Variants in ADGRV1 observed in about 807,000 individuals in gnomAD.
The protein encoded by ADGRV1 is adhesion G protein-coupled receptor V1.
Under a neutral mutation model 596.2 loss-of-function variants are expected in ADGRV1, and 359 were observed. The observed-to-expected ratio is 0.60, with a 90% CI of 0.55 to 0.66. The LOEUF is 0.66. ADGRV1 is among the 30% of genes least tolerant of loss of function. The pLI, the probability that ADGRV1 is intolerant of heterozygous loss-of-function variation, is 0.00. For synonymous variants in ADGRV1, 2,681 were observed against 2,679.2 expected (o/e 1.00, Z -0.02); for missense variants, 7,274 against 7,575.6 (o/e 0.96, Z 1.48).
intron 84 of ADGRV1, among the ~76,000 whole-genome samples, chr5:90,969,810 C>T (rs1327034541): frequency 3.9e-5 from 6 of 152,158 alleles, no homozygotes; most frequent in Non-Finnish European, 8.8e-5. Context: ...ACACAGAAGA[C>T]GGGTGATTTC....
intron 36 of ADGRV1, 47 bp downstream of exon 36, chr5:90,704,535 AAAAG>A (rs1372927215): frequency 8.6e-7 from 1 of 1,168,896 alleles, no homozygotes; most frequent in Non-Finnish European, 1.2e-6. Flanking sequence ...TTCTTTTCGT[AAAAG>A]AAAGAAAATT....
At chr5:91,035,323 T>C (rs1464167960) in intron 85 of ADGRV1, among the ~76,000 whole-genome samples, 1 of 152,196 alleles carries the variant, frequency 6.6e-6, no homozygotes, top group Non-Finnish European at 1.5e-5. Flanking sequence ...TGAGGCCCAT[T>C]CACTTACTTC....
intron 70 of ADGRV1, among the ~76,000 whole-genome samples, chr5:90,794,109 C>T (rs983493264): frequency 1.3e-5 from 2 of 152,218 alleles, no homozygotes; most frequent in African/African-American, 4.8e-5. Context: ...CCTCCCTCTT[C>T]TACCTTCTTG....
intron 15 of ADGRV1, 92 bp from the exon 16 acceptor site, chr5:90,645,876 T>A (rs1767676930): frequency 9.9e-7 from 1 of 1,006,832 alleles, no homozygotes; most frequent in Non-Finnish European, 1.3e-6. Flanking sequence ...GTGTTAATGG[T>A]GCTTTTTTAA....
intron 56 of ADGRV1, 97 bp from the exon 57 acceptor site, chr5:90,756,882 G>C (rs1755885855): frequency 9.7e-7 from 1 of 1,027,978 alleles, no homozygotes; most frequent in South Asian, 1.8e-5. Flanking sequence ...TTTAAAGGGT[G>C]AAATATAGAA....
chr5:90,652,629 A>G (rs969695375), intron 19 of ADGRV1, 66 bp downstream of exon 19: 1 of 1,046,954 alleles, frequency 9.6e-7, no homozygotes, highest in Non-Finnish European at 1.4e-6. Context: ...TACATTTTAT[A>G]CTTAGATAAT....
intron 83 of ADGRV1, among the ~76,000 whole-genome samples, chr5:90,932,815 C>T (rs1261901584): frequency 2.0e-5 from 3 of 149,558 alleles, no homozygotes; most frequent in African/African-American, 7.5e-5. Context: ...TGTGTGTATA[C>T]ATACACATAG....
chr5:91,140,363 G>A (rs1026282186), intron 87 of ADGRV1, among the ~76,000 whole-genome samples: 2 of 152,086 alleles, frequency 1.3e-5, no homozygotes, highest in Non-Finnish European at 2.9e-5. Context: ...ATATCTGAAT[G>A]CTAAACTCTT....
intron 25 of ADGRV1, among the ~76,000 whole-genome samples, chr5:90,679,079 A>G (rs1744608774): frequency 6.6e-6 from 1 of 152,088 alleles, no homozygotes. Flanking sequence ...ATGGTAAATA[A>G]ATGTGGTGGG....
chr5:91,124,561 A>T (rs1193680782), intron 87 of ADGRV1, among the ~76,000 whole-genome samples: 1 of 152,172 alleles, frequency 6.6e-6, no homozygotes, highest in African/African-American at 2.4e-5. Context: ...GAGATTGAAA[A>T]TTCCCAGTAT....
rs1198919516 is a variant in ADGRV1, at chr5:90,644,893, G to A, written c.2898+24G>A. ...AGGTAAATATTGCATATAACTTTCT[G>A]CCTTACTTGTTGTAGTTGATCAATA... On this transcript the variant is annotated intron_variant, in intron 15 of 89. Transcript: ENST00000405460. 4.0e-6 allele frequency: 6 copies of A among 1,483,856 alleles called. No homozygotes were observed. In the African/African-American group the frequency reaches 7.2e-5, roughly 18 times the overall value. The allele number at this position is 1,483,856 out of a possible 1,614,324, so 91.9% of individuals were successfully genotyped here. A position where few individuals can be genotyped will look rare whatever the true frequency, so the allele number is the denominator to read the frequency against.
In ADGRV1 at chr5:91,072,523, G is replaced by A. The variant is rs762746997; in HGVS notation, c.18229G>A (p.Val6077Met). The A allele has an allele frequency of 1.4e-5, 23 of 1,613,646 alleles. No homozygotes were observed. The highest frequency in any genetic ancestry group is 1.6e-4 in the Middle Eastern group (1 of 6,082). The change falls in exon 86 of 90, where the codon GTG (valine) becomes ATG (methionine). Residue 6077 changes from valine (V) to methionine (M), a missense_variant. Transcript: ENST00000405460. ...VPLTCLVVVF[V>M]VFIHAYQVKP... ...TTTGACGTGCCTCGTGGTGGTGTTC[G>A]TGGTGTTCATCCATGCCTACCAGGT...
chr5:90,844,159 C>T (rs1380737612), intron 78 of ADGRV1, among the ~76,000 whole-genome samples: 2 of 152,018 alleles, frequency 1.3e-5, no homozygotes, highest in Non-Finnish European at 2.9e-5. Flanking sequence ...TTATATATGC[C>T]ATATGAAATT....
intron 22 of ADGRV1, 149 bp from the exon 23 acceptor site, chr5:90,673,903 CAT>C (rs1454096564): frequency 2.8e-5 from 17 of 607,660 alleles, no homozygotes; most frequent in Non-Finnish European, 4.0e-5. Context: ...TGCACACACA[CAT>C]ACAATGTTTT....
intron 78 of ADGRV1, among the ~76,000 whole-genome samples, chr5:90,841,971 A>G (rs1286734963): frequency 2.0e-5 from 3 of 152,232 alleles, no homozygotes; most frequent in Non-Finnish European, 4.4e-5. Context: ...AAAATTCTGC[A>G]GTAAAAACTC....
chr5:91,023,893 G>C (rs1783830541), intron 85 of ADGRV1, among the ~76,000 whole-genome samples: 4 of 152,038 alleles, frequency 2.6e-5, no homozygotes, highest in Admixed American at 2.6e-4. Context: ...TGTCACCTAC[G>C]TGTAACTGAA....
At chr5:90,595,758 T>A (rs1370550013) in intron 1 of ADGRV1, among the ~76,000 whole-genome samples, 1 of 133,766 alleles carries the variant, frequency 7.5e-6, no homozygotes, top group Non-Finnish European at 1.6e-5. Flanking sequence ...GCCCCTCACC[T>A]CCCGGACGGG....
rs570280575 is a variant in ADGRV1 at position 90,635,425 on chromosome 5, C to T, written c.2016+135C>T. 4.6e-4 allele frequency: 320 copies of T among 696,054 alleles called. 1 individual carries two copies. Among genetic ancestry groups the T allele is most frequent in the South Asian group, 7.7e-4 (30 of 38,800 alleles). The allele number at this position is 696,054 out of a possible 1,614,324, so 43.1% of individuals were successfully genotyped here. ...CATGTACAAGAAGCCTTCAGTATGT[C>T]ATTTGAAATAGGTAACTGATGAGTA... On this transcript the variant is annotated intron_variant, in intron 10 of 89. Transcript: ENST00000405460.
chr5:90,758,710 T>C (rs540886626), intron 57 of ADGRV1, among the ~76,000 whole-genome samples: 6 of 152,354 alleles, frequency 3.9e-5, no homozygotes, highest in African/African-American at 1.2e-4. Flanking sequence ...CATTTTCTGA[T>C]AAATGTCTGT....
Sources: allele counts gnomAD v4.1 joint callset (sites outside exome capture counted in the v4.1 genomes callset), GRCh38; gene constraint gnomAD v4.1.1; transcripts MANE v1.5; gene names NCBI Gene and HGNC (gene_info 2026-07-23, HGNC 2026-07-21).